The following MGAM2 variants were observed in gnomAD, a reference collection of about 807,000 sequenced individuals.
MGAM2 encodes maltase-glucoamylase 2 (putative).
In MGAM2, 98 loss-of-function variants were observed where a neutral mutation model predicts 96.1. The observed-to-expected ratio is 1.02, with a 90% CI of 0.87 to 1.21. The LOEUF (loss-of-function observed/expected upper bound fraction) is 1.21. Among genes scored for constraint, MGAM2 ranks in the 50% most tolerant of loss-of-function variants. MGAM2 has a pLI of 0.00. For synonymous variants in MGAM2, 749 were observed against 414.8 expected (o/e 1.81, Z -9.79); for missense variants, 2,055 against 1,182.4 (o/e 1.74, Z -10.82).
intron 37 of MGAM2, among the ~76,000 whole-genome samples, chr7:142,193,137 T>C (rs1184821679): frequency 1.3e-5 from 2 of 152,170 alleles, no homozygotes; most frequent in African/African-American, 4.8e-5. Flanking sequence ...ATACATGATA[T>C]ATATATTTTT....
intron 3 of MGAM2, among the ~76,000 whole-genome samples, chr7:142,128,733 C>T (rs1794797706): frequency 6.6e-6 from 1 of 152,224 alleles, no homozygotes; most frequent in Non-Finnish European, 1.5e-5. Flanking sequence ...GGTATAGGAA[C>T]CTCTACCTAG....
intron 46 of MGAM2, among the ~76,000 whole-genome samples, chr7:142,213,506 A>G (rs1407289041): frequency 2.0e-5 from 3 of 149,036 alleles, no homozygotes; most frequent in South Asian, 2.2e-4. Flanking sequence ...CGCTGATCCC[A>G]CAGAAATACA....
rs1797933026 is a variant in MGAM2 at position 142,221,648 on chromosome 7, A to T, written c.7137A>T (p.Lys2379Asn). The change falls in exon 48 of 48, where the codon AAA becomes AAT. Residue 2379 changes from lysine (K) to asparagine (N), a missense_variant. By Grantham distance (94) the Lys-to-Asn change is moderately conservative. Transcript: ENST00000477922. ...ATACAACAGTTACTTCCATAGACAA[A>T]TTCACCACACACATCACACAGTTCG... ...SPDTTVTSID[K>N]FTTHITQFAT... The T allele has an allele frequency of 2.2e-6, 1 of 457,408 alleles. No individual in the cohort carries two copies. Among genetic ancestry groups the T allele is most frequent in the African/African-American group, 2.0e-5 (1 of 50,382 alleles). The allele number at this position is 457,408 out of a possible 1,614,324, so 28.3% of individuals were successfully genotyped here. A position where few individuals can be genotyped will look rare whatever the true frequency, so the allele number is the denominator to read the frequency against.
At chr7:142,135,458 T>C (rs911730012) in intron 7 of MGAM2, among the ~76,000 whole-genome samples, 1 of 152,196 alleles carries the variant, frequency 6.6e-6, no homozygotes, top group Non-Finnish European at 1.5e-5. Flanking sequence ...TTCTTTAAAA[T>C]GTATTTTAAA....
chr7:142,172,222 C>G (rs1274852544), intron 29 of MGAM2, 28 bp downstream of exon 29: 2 of 697,056 alleles, frequency 2.9e-6, no homozygotes, highest in Non-Finnish European at 5.2e-6. Context: ...CTCCCATGCA[C>G]CACCAGAAAC....
chr7:142,138,740 A>G (rs1222678961), intron 10 of MGAM2, 73 bp downstream of exon 10: 4 of 645,716 alleles, frequency 6.2e-6, no homozygotes, highest in Non-Finnish European at 1.1e-5. Context: ...AATTCAATGT[A>G]TTAGGAAAAA....
chr7:142,137,363 T>G (rs1795088879), intron 8 of MGAM2, 70 bp from the exon 9 acceptor site: 2 of 588,856 alleles, frequency 3.4e-6, no homozygotes, highest in South Asian at 2.1e-5. Context: ...GTGGCTCAAC[T>G]ATTTCTACTG....
At chr7:142,135,214 T>A (rs1795022191) in intron 7 of MGAM2, among the ~76,000 whole-genome samples, 1 of 152,188 alleles carries the variant, frequency 6.6e-6, no homozygotes, top group South Asian at 2.1e-4. Flanking sequence ...GCTACCAGCA[T>A]CGGATACAAT....
At chr7:142,181,354 T>C (rs1796534339) in intron 32 of MGAM2, among the ~76,000 whole-genome samples, 1 of 152,160 alleles carries the variant, frequency 6.6e-6, no homozygotes, top group Admixed American at 6.5e-5. Flanking sequence ...CTGCATTGGG[T>C]TTCACAGGCA....
chr7:142,187,798 A>G lies in MGAM2; in HGVS notation c.4171A>G (p.Ser1391Gly). The G allele has an allele frequency of 1.4e-6, 1 of 702,886 alleles. No individual in the cohort carries two copies. Among genetic ancestry groups the G allele is most frequent in the Non-Finnish European group, 2.6e-6 (1 of 384,898 alleles). 43.5% of individuals were successfully genotyped at this position (702,886 alleles called of 1,614,324 possible). A position where few individuals can be genotyped will look rare whatever the true frequency, so the allele number is the denominator to read the frequency against. ...TGTGGATGGATCTGTCAGGGGCTGCAGCAATGAAATGCTAAATAACCCACC... is the reference window on the plus strand; with the variant it reads ...TGTGGATGGATCTGTCAGGGGCTGCGGCAATGAAATGCTAAATAACCCACC... ...NFVDGSVRGC[S>G]NEMLNNPPYM... The change falls in exon 36 of 48, where the codon AGC becomes GGC. Residue 1391 changes from serine (S) to glycine (G), a missense_variant. Ser to Gly is a moderately conservative substitution (Grantham distance 56). Coordinates refer to ENST00000477922, the MANE Select transcript of MGAM2 (RefSeq NM_001293626.2).
chr7:142,184,639 A>G (rs1400917139), intron 33 of MGAM2, among the ~76,000 whole-genome samples: 2 of 152,208 alleles, frequency 1.3e-5, no homozygotes. Flanking sequence ...TTAATGCTAC[A>G]TATACTTGGA....
rs1797052617 is a variant in MGAM2, at chr7:142,196,713, T to C, written c.4529T>C (p.Ile1510Thr). The C allele has an allele frequency of 3.8e-6, 3 of 788,014 alleles. No individual in the cohort carries two copies. The highest frequency in any genetic ancestry group is 1.3e-5 in the South Asian group (1 of 74,592). The allele number at this position is 788,014 out of a possible 1,614,324, so 48.8% of individuals were successfully genotyped here. ...LFGIPYTGADICGFFGDAEYE... is the reference protein window; with the variant it reads ...LFGIPYTGADTCGFFGDAEYE... ...GCATCTTCTCAGACAGGAGCAGATA[T>C]CTGTGGGTTCTTTGGAGATGCTGAA... Residue 1510 changes from isoleucine to threonine, a missense_variant, in exon 40 of 48, where the codon ATC becomes ACC. Physicochemically the swap from Ile to Thr is moderately conservative, Grantham distance 89. Coordinates refer to ENST00000477922, the MANE Select transcript of MGAM2 (RefSeq NM_001293626.2).
At chr7:142,207,466 C>T (rs1281122069) in intron 45 of MGAM2, among the ~76,000 whole-genome samples, 1 of 151,976 alleles carries the variant, frequency 6.6e-6, no homozygotes. Flanking sequence ...CACTCTGTCG[C>T]CCAGGCTGGA....
chr7:142,129,798 C>T (rs1794831171), intron 3 of MGAM2, among the ~76,000 whole-genome samples: 1 of 109,770 alleles, frequency 9.1e-6, no homozygotes, highest in South Asian at 3.0e-4. Flanking sequence ...GCACTCCAGA[C>T]TGGGCAACAA....
In MGAM2 at chr7:142,186,054, A is replaced by G. The variant is rs779267430; in HGVS notation, c.4053A>G (p.Lys1351=). The change falls in exon 35 of 48, where the codon AAA becomes AAG. Residue 1351 remains lysine, a synonymous_variant. Transcript: ENST00000477922. ...FRNSTAAWWK[K]EIEELYANPR... ...ATAGCACAGCTGCGTGGTGGAAGAA[A>G]GAGATAGAAGAGCTCTATGCAAACC... The G allele has an allele frequency of 1.4e-6, 1 of 705,706 alleles. No individual in the cohort carries two copies. Among genetic ancestry groups the G allele is most frequent in the Non-Finnish European group, 2.6e-6 (1 of 385,114 alleles). The allele number at this position is 705,706 out of a possible 1,614,324, so 43.7% of individuals were successfully genotyped here.
intron 1 of MGAM2, among the ~76,000 whole-genome samples, chr7:142,116,289 A>G (rs2129073274): frequency 6.6e-6 from 1 of 152,304 alleles, no homozygotes; most frequent in Non-Finnish European, 1.5e-5. Context: ...GGGAGCCACG[A>G]AATTTATGTG....
intron 46 of MGAM2, among the ~76,000 whole-genome samples, chr7:142,214,853 G>T (rs1797705033): frequency 6.6e-6 from 1 of 152,172 alleles, no homozygotes; most frequent in Non-Finnish European, 1.5e-5. Context: ...ACTGTCAGTG[G>T]GAGTGTAAAT....
chr7:142,160,972 A>T (rs114969194), intron 21 of MGAM2, among the ~76,000 whole-genome samples, 153 bp from the exon 22 acceptor site: 14 of 152,162 alleles, frequency 9.2e-5, no homozygotes, highest in African/African-American at 3.4e-4. Flanking sequence ...CTGCCTGCCC[A>T]CACCCAGCTC....
intron 14 of MGAM2, among the ~76,000 whole-genome samples, chr7:142,145,365 C>G (rs934936456): frequency 6.6e-6 from 1 of 151,472 alleles, no homozygotes. Context: ...TCCTCCTTAC[C>G]CTCCCTTCCT....
Sources: gnomAD v4.1 joint callset for allele counts (sites outside exome capture counted in the v4.1 genomes callset) on GRCh38, gnomAD v4.1.1 for gene constraint, MANE v1.5 for transcripts, NCBI Gene and HGNC (gene_info 2026-07-23, HGNC 2026-07-21) for gene names.